Variants in EEF2 observed in about 807,000 individuals in gnomAD.
The protein encoded by EEF2 is elongation factor 2.
In EEF2, 21 loss-of-function variants were observed where a neutral mutation model predicts 85.3. The observed-to-expected ratio is 0.25, with a 90% CI of 0.17 to 0.35. The LOEUF (loss-of-function observed/expected upper bound fraction) is 0.35, where lower values mean the gene tolerates loss of function less well. EEF2 is among the 10% of genes least tolerant of loss of function. EEF2 has a pLI of 1.00. For missense variants in EEF2, 825 were observed against 1,225.3 expected, an observed-to-expected ratio of 0.67 and a Z score of 4.88; for synonymous variants, 723 against 508.8, an observed-to-expected ratio of 1.42 and a Z score of -5.67.
rs547982150 is a variant in EEF2, at chr19:3,976,158, G to A, written c.*396C>T. On this transcript the variant is annotated 3_prime_UTR_variant, in exon 15 of 15. Transcript: ENST00000309311. ...CCTGCCTGCTAGAAATCATCTACCC[G>A]CGTGTTCCTTTCCCCTTTCTGGGGC... 1.7e-4 allele frequency: 39 copies of A among 231,072 alleles called. No homozygotes were observed. The highest frequency in any genetic ancestry group is 3.1e-4 in the Admixed American group (6 of 19,134). 14.3% of individuals were successfully genotyped at this position (231,072 alleles called of 1,614,324 possible).
intron 14 of EEF2, 76 bp from the exon 15 acceptor site, chr19:3,976,823 A>C: frequency 2.2e-4 from 311 of 1,403,636 alleles, no homozygotes; most frequent in Non-Finnish European, 2.7e-4. Context: ...TCAGGAGCTC[A>C]GGCTAGTTCC....
chr19:3,977,914 C>T lies in EEF2; in HGVS notation c.1972G>A (p.Gly658Ser), dbSNP rs1327857745. The T allele has an allele frequency of 3.1e-6, 5 of 1,613,466 alleles. No homozygotes were observed. Among genetic ancestry groups the T allele is most frequent in the Non-Finnish European group, 3.4e-6 (4 of 1,179,988 alleles). ...GTGATGTCGGTGAGGATGTTGGGGC[C>T]GGTGCCGTCGGGCCCAAAGCACCAG... The part of the protein sequence containing the change: ...KIWCFGPDGT[G>S]PNILTDITKG... The change falls in exon 12 of 15, where the codon GGC becomes AGC. Residue 658 changes from glycine to serine, a missense_variant. By Grantham distance (56) the Gly-to-Ser change is moderately conservative (BLOSUM62 0). Transcript: ENST00000309311. This position sits in a 1 kb window ranked among gnomAD's most constrained non-coding sequence, Gnocchi z 5.4.
intron 2 of EEF2, 35 bp from the exon 3 acceptor site, chr19:3,983,326 G>A (rs2039779121): frequency 1.2e-6 from 2 of 1,600,420 alleles, no homozygotes; most frequent in Middle Eastern, 1.7e-4. Flanking sequence ...GGGGACAGGA[G>A]CCACACACCT....
intron 1 of EEF2, 132 bp downstream of exon 1, chr19:3,985,246 C>G: frequency 9.5e-7 from 1 of 1,057,474 alleles, no homozygotes; most frequent in Non-Finnish European, 1.3e-6. Flanking sequence ...TTCCCCAGCC[C>G]CGGGTCCTCC....
intron 1 of EEF2, chr19:3,984,927 G>A (rs754214072): frequency 1.2e-4 from 21 of 180,890 alleles, no homozygotes; most frequent in Non-Finnish European, 2.2e-4. Flanking sequence ...AGCATCAGGA[G>A]AAGGTATTTG....
rs377104055 is a variant in EEF2, at chr19:3,985,429, T to A, written c.-49A>T. ...CCCAGGTAGAACCGAAAGAAGCGAGTCGCGCCGAGGATGGCGGCGACGACG... is the reference window on the plus strand; with the variant it reads ...CCCAGGTAGAACCGAAAGAAGCGAGACGCGCCGAGGATGGCGGCGACGACG... On this transcript the variant is annotated 5_prime_UTR_variant, in exon 1 of 15. Coordinates refer to ENST00000309311, the MANE Select transcript of EEF2 (RefSeq NM_001961.4). 1 of 1,464,398 alleles carries A rather than the reference T, an allele frequency of 6.8e-7. No individual in the cohort carries two copies. Among genetic ancestry groups the A allele is most frequent in the South Asian group, 1.4e-5 (1 of 72,886 alleles). The allele number at this position is 1,464,398 out of a possible 1,614,324, so 90.7% of individuals were successfully genotyped here. A position where few individuals can be genotyped will look rare whatever the true frequency, so the allele number is the denominator to read the frequency against.
intron 11 of EEF2, among the ~76,000 whole-genome samples, chr19:3,979,080 C>A (rs1008684177): frequency 6.6e-6 from 1 of 151,982 alleles, no homozygotes; most frequent in Non-Finnish European, 1.5e-5. Flanking sequence ...TCTAGCGAGC[C>A]AAGATCACGC....
In EEF2 at chr19:3,982,237, G is replaced by A. The variant is rs757366805; in HGVS notation, c.791+9C>T. 2.8e-5 allele frequency: 45 copies of A among 1,613,498 alleles called. No homozygotes were observed. Among genetic ancestry groups the A allele is most frequent in the Middle Eastern group, 3.3e-4 (2 of 6,076 alleles). ...TCAGGAATCCCCCACCATATCCCGC[G>A]GGGCTCACCTGTCACCCCACAGCTT... On this transcript the variant is annotated intron_variant, in intron 5 of 14. Coordinates refer to ENST00000309311, the MANE Select transcript of EEF2 (RefSeq NM_001961.4).
chr19:3,977,829 G>T lies in EEF2; in HGVS notation c.2057C>A (p.Ala686Asp). Reference sequence around the variant, plus strand: ...TGAGCCGTGCCTCACCTCCTTGGTGGCCCACTGGAAGCCGGCCACCACACT... The same window carrying T: ...TGAGCCGTGCCTCACCTCCTTGGTGTCCCACTGGAAGCCGGCCACCACACT... Reference protein sequence around the residue: ...KDSVVAGFQWATKEGALCEEN... With the variant: ...KDSVVAGFQWDTKEGALCEEN... Residue 686 changes from alanine (A) to aspartate (D), a missense_variant, in exon 12 of 15, where the codon GCC (alanine) becomes GAC (aspartate). By Grantham distance (126) the Ala-to-Asp change is moderately radical. Coordinates refer to ENST00000309311, the MANE Select transcript of EEF2 (RefSeq NM_001961.4). This position sits in a 1 kb window ranked among gnomAD's most constrained non-coding sequence, Gnocchi z 5.4. 1 of 1,583,070 alleles carries T rather than the reference G, an allele frequency of 6.3e-7. No homozygotes were observed.
rs372903564 is a variant in EEF2 at position 3,984,949 on chromosome 19, G to A, written c.3+429C>T. Reference sequence around the variant, plus strand: ...GGAGAAGGTATTTGGAAGGAAAAGGGGAGCCTTTCAGGTGTCGCTTTGCTC... The same window carrying A: ...GGAGAAGGTATTTGGAAGGAAAAGGAGAGCCTTTCAGGTGTCGCTTTGCTC... On this transcript the variant is annotated intron_variant, in intron 1 of 14. Coordinates refer to ENST00000309311, the MANE Select transcript of EEF2 (RefSeq NM_001961.4). 4.9e-5 allele frequency: 10 copies of A among 202,664 alleles called. No individual in the cohort carries two copies. In the East Asian group the frequency reaches 1.0e-3, roughly 20 times the overall value. 12.6% of individuals were successfully genotyped at this position (202,664 alleles called of 1,614,324 possible).
intron 7 of EEF2, 85 bp from the exon 8 acceptor site, chr19:3,981,064 G>T: frequency 6.7e-7 from 1 of 1,495,110 alleles, no homozygotes. Flanking sequence ...TTGAAGCCAA[G>T]GAAGCCAAAG....
chr19:3,984,365 G>A lies in EEF2; in HGVS notation c.4-15C>T, dbSNP rs776351683. The A allele has an allele frequency of 3.7e-6, 6 of 1,613,010 alleles. No individual in the cohort carries two copies. The highest frequency in any genetic ancestry group is 3.3e-5 in the Admixed American group (2 of 60,014). On this transcript the variant is annotated splice_polypyrimidine_tract_variant and intron_variant, in intron 1 of 14. Coordinates refer to ENST00000309311, the MANE Select transcript of EEF2 (RefSeq NM_001961.4). ...GTGAAGTTCACCTGGGCAAGACAAGGAGGCTCAGACCAGCTCGTGATTTCC... is the reference window on the plus strand; with the variant it reads ...GTGAAGTTCACCTGGGCAAGACAAGAAGGCTCAGACCAGCTCGTGATTTCC...
In EEF2 at chr19:3,980,828, C is replaced by T. The variant is rs541147622; in HGVS notation, c.1150+13G>A. 9.9e-5 allele frequency: 156 copies of T among 1,570,964 alleles called. 1 individual carries two copies. The East Asian group carries it at 3.0e-3, about 30-fold the overall frequency. ...CGGCTGCATCTCAGGGCCCGGCCACCGGGACCACGTACCCATGGCAGCCTC... is the reference window on the plus strand; with the variant it reads ...CGGCTGCATCTCAGGGCCCGGCCACTGGGACCACGTACCCATGGCAGCCTC... On this transcript the variant is annotated intron_variant, in intron 8 of 14. Coordinates refer to ENST00000309311, the MANE Select transcript of EEF2 (RefSeq NM_001961.4).
intron 1 of EEF2, 69 bp from the exon 2 acceptor site, chr19:3,984,419 G>A: frequency 6.5e-7 from 1 of 1,535,586 alleles, no homozygotes; most frequent in Non-Finnish European, 9.0e-7. Flanking sequence ...GGAGCGTTCA[G>A]TCCAAACGAA....
chr19:3,983,353 G>A, intron 2 of EEF2, 62 bp from the exon 3 acceptor site: 3 of 1,541,970 alleles, frequency 1.9e-6, no homozygotes, highest in East Asian at 2.3e-5. Flanking sequence ...GGGAGTCTGG[G>A]ATGCTGTCAG....
chr19:3,976,463 G>C lies in EEF2; in HGVS notation c.*91C>G, dbSNP rs2039680925. The C allele has an allele frequency of 7.6e-6, 11 of 1,455,500 alleles. No individual in the cohort carries two copies. Among genetic ancestry groups the C allele is most frequent in the South Asian group, 3.8e-5 (3 of 79,784 alleles). 90.2% of individuals were successfully genotyped at this position (1,455,500 alleles called of 1,614,324 possible). On this transcript the variant is annotated 3_prime_UTR_variant, in exon 15 of 15. Transcript: ENST00000309311. Reference sequence around the variant, plus strand: ...TCTCAGGGGAGCGTCGCTGTGTCGGGACAGTCTCCAGGTGTCGTCTGAGAA... The same window carrying C: ...TCTCAGGGGAGCGTCGCTGTGTCGGCACAGTCTCCAGGTGTCGTCTGAGAA...
At chr19:3,983,872 G>A (rs950941058) in intron 2 of EEF2, 7 of 521,980 alleles carry the variant, frequency 1.3e-5, no homozygotes, top group Non-Finnish European at 2.1e-5. Flanking sequence ...TCCAGATATT[G>A]TAGGAGTGGG....
Position 3,977,085 on chromosome 19 carries a change from G to A in EEF2, c.2383+130C>T. The A allele has an allele frequency of 2.2e-6, 3 of 1,362,106 alleles. No individual in the cohort carries two copies. The highest frequency in any genetic ancestry group is 1.4e-5 in the South Asian group (1 of 71,014). 84.4% of individuals were successfully genotyped at this position (1,362,106 alleles called of 1,614,324 possible). A position where few individuals can be genotyped will look rare whatever the true frequency, so the allele number is the denominator to read the frequency against. ...GGGGGTCCACAAGCTGTCAGAAACT[G>A]GACCACCTGCTCCATCCATCACCTG... is the stretch of plus-strand genomic sequence containing the variant. On this transcript the variant is annotated intron_variant, in intron 14 of 14. Coordinates refer to ENST00000309311, the MANE Select transcript of EEF2 (RefSeq NM_001961.4). This position sits in a 1 kb window ranked among gnomAD's most constrained non-coding sequence, Gnocchi z 5.4.
Position 3,982,398 on chromosome 19 carries a change from G to C in EEF2, c.639C>G (p.Gly213=). The change falls in exon 5 of 15, where the codon GGC becomes GGG. Residue 213 remains glycine, a synonymous_variant. Coordinates refer to ENST00000309311, the MANE Select transcript of EEF2 (RefSeq NM_001961.4). ...CCCACCCGTGGAGGCCAGACCCAAA[G>C]CCCACGGTACCGAGGACAGGATCGA... ...IMIDPVLGTV[G]FGSGLHGWAF... is the part of the protein sequence containing the mutation. The C allele has an allele frequency of 6.2e-7, 1 of 1,614,142 alleles. No individual in the cohort carries two copies. Among genetic ancestry groups the C allele is most frequent in the South Asian group, 1.1e-5 (1 of 91,092 alleles).
Sources: allele counts gnomAD v4.1 joint callset (sites outside exome capture counted in the v4.1 genomes callset), GRCh38; gene constraint gnomAD v4.1.1; non-coding constraint Gnocchi (gnomAD v3.1); transcripts MANE v1.5; gene names NCBI Gene and HGNC (gene_info 2026-07-23, HGNC 2026-07-21).